MGAT4C: variants seen among roughly 807,000 people sequenced by gnomAD.
MGAT4C encodes the protein alpha-1,3-mannosyl-glycoprotein 4-beta-N-acetylglucosaminyltransferase C.
Under a neutral mutation model 40.1 loss-of-function variants are expected in MGAT4C, and 19 were observed. The observed-to-expected ratio is 0.47, with a 90% CI of 0.33 to 0.70. The LOEUF (loss-of-function observed/expected upper bound fraction) is 0.70. Among genes scored for constraint, MGAT4C ranks in the 30% least tolerant of loss-of-function variants. The probability of loss-of-function intolerance (pLI) is 0.02; values close to 1 mark genes in which losing one functional copy is unlikely to be tolerated. For synonymous variants in MGAT4C, 181 were observed against 187.1 expected (o/e 0.97, Z 0.27); for missense variants, 491 against 563.2 (o/e 0.87, Z 1.30).
At chr12:86,825,867 A>C (rs1952796454) in intron 1 of MGAT4C, among the ~76,000 whole-genome samples, 1 of 151,528 alleles carries the variant, frequency 6.6e-6, no homozygotes, top group Non-Finnish European at 1.5e-5. Context: ...GACTAAAACA[A>C]GAAACACATG....
At chr12:86,465,511 A>G (rs1439856448) in intron 2 of MGAT4C, among the ~76,000 whole-genome samples, 1 of 152,184 alleles carries the variant, frequency 6.6e-6, no homozygotes, top group Admixed American at 6.5e-5. Flanking sequence ...ATGTTCAATG[A>G]AGTCTTAAAC....
At chr12:86,528,951 C>A (rs1340791999) in intron 2 of MGAT4C, among the ~76,000 whole-genome samples, 2 of 151,702 alleles carry the variant, frequency 1.3e-5, no homozygotes, top group African/African-American at 2.4e-5. Context: ...TGCACATGTA[C>A]CCCTGAACTT....
At chr12:86,440,252 C>T (rs556937948) in intron 2 of MGAT4C, among the ~76,000 whole-genome samples, 8 of 152,142 alleles carry the variant, frequency 5.3e-5, no homozygotes, top group South Asian at 2.1e-4. Context: ...AAACCAAATT[C>T]GACAGCACTT....
chr12:86,694,856 GC>G (rs1161497437), intron 2 of MGAT4C, among the ~76,000 whole-genome samples: 1 of 152,084 alleles, frequency 6.6e-6, no homozygotes, highest in Non-Finnish European at 1.5e-5. Flanking sequence ...ATTGGTCTGG[GC>G]AAAAAATTTC....
At chr12:86,143,824 T>C (rs1311723305) in intron 1 of MGAT4C, among the ~76,000 whole-genome samples, 1 of 152,184 alleles carries the variant, frequency 6.6e-6, no homozygotes, top group Non-Finnish European at 1.5e-5. Context: ...TAGCAGGTTG[T>C]AGATATTGTT....
intron 1 of MGAT4C, among the ~76,000 whole-genome samples, chr12:86,143,552 G>A (rs941410586): frequency 6.6e-6 from 1 of 152,052 alleles, no homozygotes; most frequent in African/African-American, 2.4e-5. Context: ...TACGCTTAGG[G>A]TATTTTTGGG....
At chr12:86,351,372 A>T (rs987923090) in intron 3 of MGAT4C, among the ~76,000 whole-genome samples, 3 of 152,034 alleles carry the variant, frequency 2.0e-5, no homozygotes, top group African/African-American at 7.2e-5. Flanking sequence ...ATTTCTGCAG[A>T]TGCAGAGATA....
At chr12:86,802,416 C>T (rs1278052881) in intron 1 of MGAT4C, among the ~76,000 whole-genome samples, 1 of 151,910 alleles carries the variant, frequency 6.6e-6, no homozygotes, top group Admixed American at 6.6e-5. Flanking sequence ...GTACATAGTA[C>T]TGTATTAGGC....
rs866251640 is a variant in MGAT4C, at chr12:86,037,877, A to G, written c.-7+11797T>C. Among the ~76,000 whole-genome samples, 18 of 149,416 alleles carry G rather than the reference A, an allele frequency of 1.2e-4. 1 individual carries two copies. The highest frequency in any genetic ancestry group is 4.4e-4 in the African/African-American group (18 of 41,152). On this transcript the variant is annotated intron_variant, in intron 2 of 4. Coordinates refer to ENST00000611864, the MANE Select transcript of MGAT4C (RefSeq NM_001351288.2). ...TTTCTGTATTGTTGATCTGTCTAAT[A>G]TTGTCAGTGGCGTGTTAAAGTCTCC...
chr12:86,741,193 C>T (rs916856605), intron 1 of MGAT4C, among the ~76,000 whole-genome samples: 2 of 151,060 alleles, frequency 1.3e-5, no homozygotes, highest in East Asian at 1.9e-4. Context: ...CACATGCACT[C>T]GTATGTTCAT....
chr12:86,073,194 C>T (rs954510178), intron 1 of MGAT4C, among the ~76,000 whole-genome samples: 5 of 152,144 alleles, frequency 3.3e-5, no homozygotes, highest in African/African-American at 1.2e-4. Context: ...TCACTTGGTT[C>T]TCAGTTCTCT....
chr12:86,356,719 C>A (rs1955320901), intron 3 of MGAT4C, among the ~76,000 whole-genome samples: 1 of 152,134 alleles, frequency 6.6e-6, no homozygotes, highest in Non-Finnish European at 1.5e-5. Flanking sequence ...GAGACTCGCT[C>A]ACTGCTAGCA....
chr12:86,312,664 T>C (rs1482340337), intron 4 of MGAT4C, among the ~76,000 whole-genome samples: 1 of 151,970 alleles, frequency 6.6e-6, no homozygotes, highest in Non-Finnish European at 1.5e-5. Context: ...TGAAAACCTA[T>C]ATATATATAA....
At chr12:85,989,337 G>C in intron 3 of MGAT4C, 63 bp downstream of exon 3, 1 of 1,426,524 alleles carries the variant, frequency 7.0e-7, no homozygotes, top group Non-Finnish European at 9.4e-7. Context: ...GCTACAATGG[G>C]ACTAATTCTT....
At chr12:86,173,445 A>C (rs570171213) in intron 1 of MGAT4C, among the ~76,000 whole-genome samples, 1 of 152,276 alleles carries the variant, frequency 6.6e-6, no homozygotes, top group South Asian at 2.1e-4. Flanking sequence ...AGGATATTTC[A>C]ATTAACTACT....
chr12:86,512,193 G>C (rs1448541577), intron 2 of MGAT4C, among the ~76,000 whole-genome samples: 2 of 151,944 alleles, frequency 1.3e-5, no homozygotes, highest in Non-Finnish European at 2.9e-5. Flanking sequence ...AATTCTCAGG[G>C]AAATCCAAAT....
Position 86,571,388 on chromosome 12 carries a change from G to A in MGAT4C, c.-228-136123C>T, listed in dbSNP as rs563796382. Among the ~76,000 whole-genome samples, 39 of 151,870 alleles carry A rather than the reference G, an allele frequency of 2.6e-4. No individual in the cohort carries two copies. In the South Asian group the frequency reaches 8.1e-3, roughly 32 times the overall value. ...GTCAGCAGTATACTATATATAGGAA[G>A]AAAGAGGTATACATAAGTGTGTATA... On this transcript the variant is annotated intron_variant, in intron 2 of 7. Transcript: ENST00000548651.
chr12:86,791,297 A>G (rs1449962975), intron 1 of MGAT4C, among the ~76,000 whole-genome samples: 4 of 152,202 alleles, frequency 2.6e-5, no homozygotes, highest in African/African-American at 9.6e-5. Flanking sequence ...CTAGAATATC[A>G]TAAGTATTTG....
At chr12:86,074,370 A>ATAGG (rs1180118033) in intron 1 of MGAT4C, among the ~76,000 whole-genome samples, 1 of 150,460 alleles carries the variant, frequency 6.6e-6, no homozygotes, top group African/African-American at 2.5e-5. Flanking sequence ...AGATAGATAG[A>ATAGG]TAGATATTCC....
Sources: gnomAD v4.1 joint callset for allele counts (sites outside exome capture counted in the v4.1 genomes callset) on GRCh38, gnomAD v4.1.1 for gene constraint, MANE v1.5 for transcripts, NCBI Gene and HGNC (gene_info 2026-07-23, HGNC 2026-07-21) for gene names.